MYO1D: variants seen among roughly 807,000 people sequenced by gnomAD.
The protein encoded by MYO1D is unconventional myosin-Id.
In MYO1D, 83 loss-of-function variants were observed where a neutral mutation model predicts 122.0. The ratio of observed to expected loss-of-function variants is 0.68; its 90% confidence interval spans 0.57 to 0.82. The LOEUF (loss-of-function observed/expected upper bound fraction) is 0.82, where lower values mean the gene tolerates loss of function less well. Ranked by LOEUF, MYO1D falls within the 40% of genes least tolerant of loss-of-function variation. MYO1D has a pLI of 0.00. For missense variants in MYO1D, 1,157 were observed against 1,269.5 expected (o/e 0.91, Z 1.35); for synonymous variants, 464 against 446.9 (o/e 1.04, Z -0.48).
chr17:32,862,864 T>C (rs2091089634), intron 1 of MYO1D: 2 of 152,214 alleles, frequency 1.3e-5, no homozygotes, highest in Admixed American at 6.5e-5. Flanking sequence ...AACGTTAGCC[T>C]AGGACAGTGG....
intron 1 of MYO1D, among the ~76,000 whole-genome samples, chr17:32,801,151 C>T (rs996459169): frequency 3.3e-5 from 5 of 152,098 alleles, no homozygotes; most frequent in African/African-American, 9.7e-5. Flanking sequence ...AAAAACTAAG[C>T]TTATTTATAA....
intron 19 of MYO1D, among the ~76,000 whole-genome samples, chr17:32,642,019 G>C (rs2150941800): frequency 6.6e-6 from 1 of 152,304 alleles, no homozygotes; most frequent in South Asian, 2.1e-4. Flanking sequence ...GCCTATGTCT[G>C]AATGTTATTG....
intron 21 of MYO1D, among the ~76,000 whole-genome samples, chr17:32,540,404 A>T (rs940110045): frequency 1.3e-5 from 2 of 151,796 alleles, no homozygotes; most frequent in African/African-American, 4.8e-5. Flanking sequence ...CATATATCTG[A>T]TAAGGAACTT....
chr17:32,789,429 A>G (rs2090329169), intron 1 of MYO1D, among the ~76,000 whole-genome samples: 1 of 152,204 alleles, frequency 6.6e-6, no homozygotes, highest in African/African-American at 2.4e-5. Context: ...GTATCTGATA[A>G]TGGTGACATT....
At chr17:32,568,148 G>GT in intron 21 of MYO1D, among the ~76,000 whole-genome samples, 1 of 136,098 alleles carries the variant, frequency 7.3e-6, no homozygotes, top group East Asian at 2.3e-4. Flanking sequence ...TTTCCCCCAG[G>GT]TATTTATCAG....
chr17:32,817,222 C>A (rs1389142683), intron 1 of MYO1D, among the ~76,000 whole-genome samples: 2 of 152,158 alleles, frequency 1.3e-5, no homozygotes, highest in Non-Finnish European at 2.9e-5. Context: ...AGCCACCATG[C>A]CTGGCTAACA....
At chr17:32,624,200 T>C (rs1354472307) in intron 20 of MYO1D, among the ~76,000 whole-genome samples, 2 of 151,504 alleles carry the variant, frequency 1.3e-5, no homozygotes, top group African/African-American at 4.9e-5. Flanking sequence ...GAAGCTTTAT[T>C]TTATTTTTTC....
At chr17:32,604,216 A>C (rs1251525873) in intron 21 of MYO1D, among the ~76,000 whole-genome samples, 1 of 152,108 alleles carries the variant, frequency 6.6e-6, no homozygotes, top group Non-Finnish European at 1.5e-5. Context: ...CTAATAAGGA[A>C]TACTTGATTA....
intron 11 of MYO1D, among the ~76,000 whole-genome samples, chr17:32,753,375 C>G (rs896259665): frequency 1.3e-5 from 2 of 152,036 alleles, no homozygotes; most frequent in African/African-American, 4.8e-5. Flanking sequence ...AACATGTACA[C>G]CTCCCAGATC....
intron 16 of MYO1D, among the ~76,000 whole-genome samples, chr17:32,690,640 G>A (rs2089084616): frequency 6.6e-6 from 1 of 152,188 alleles, no homozygotes; most frequent in Non-Finnish European, 1.5e-5. Context: ...TATCCTTTGT[G>A]ATGAGTGACC....
At chr17:32,538,963 G>A (rs886157160) in intron 21 of MYO1D, among the ~76,000 whole-genome samples, 13 of 152,072 alleles carry the variant, frequency 8.5e-5, no homozygotes, top group Admixed American at 6.6e-4. Flanking sequence ...GTGGGGGTTG[G>A]GGGAGAGAGA....
At position 32,494,205 on chromosome 17, in the gene MYO1D, G is replaced by C. The variant is rs1426182712; in HGVS notation, c.*554C>G. The stretch of plus-strand genomic sequence containing the variant: ...TCCTGCCACTGGCTCCTGGCTGAGG[G>C]GCTGGCCCTGTGGGTGACTCTGCTC... On this transcript the variant is annotated 3_prime_UTR_variant, in exon 22 of 22. Coordinates refer to ENST00000318217, the MANE Select transcript of MYO1D (RefSeq NM_015194.3). The C allele has an allele frequency of 6.5e-6, 1 of 154,590 alleles. No individual in the cohort carries two copies. Among genetic ancestry groups the C allele is most frequent in the African/African-American group, 2.4e-5 (1 of 41,476 alleles). The allele number at this position is 154,590 out of a possible 1,614,324, so 9.6% of individuals were successfully genotyped here.
At chr17:32,609,928 C>A (rs1280792408) in intron 20 of MYO1D, among the ~76,000 whole-genome samples, 1 of 152,028 alleles carries the variant, frequency 6.6e-6, no homozygotes, top group East Asian at 1.9e-4. Flanking sequence ...TTAAAAATAT[C>A]ATTTTCATTT....
At chr17:32,718,895 T>G (rs1306433584) in intron 15 of MYO1D, among the ~76,000 whole-genome samples, 9 of 152,174 alleles carry the variant, frequency 5.9e-5, no homozygotes, top group African/African-American at 2.2e-4. Context: ...ATGTTACCAG[T>G]GACTCCAAAA....
At chr17:32,778,703 T>G (rs2151027944) in intron 2 of MYO1D, 130 bp from the exon 3 acceptor site, 7 of 834,784 alleles carry the variant, frequency 8.4e-6, no homozygotes, top group Non-Finnish European at 3.7e-6. Context: ...CTGTTTCATT[T>G]TTTTGCTTTT....
chr17:32,849,656 A>C, intron 1 of MYO1D, among the ~76,000 whole-genome samples: 1 of 149,698 alleles, frequency 6.7e-6, no homozygotes, highest in Non-Finnish European at 1.5e-5. Context: ...CACTCTGGGG[A>C]CTGTTGTGGG....
In MYO1D at chr17:32,643,585, C is replaced by T. The variant is rs141640428; in HGVS notation, c.2596-4750G>A. Among the ~76,000 whole-genome samples, 811 of 151,974 alleles carry T rather than the reference C, an allele frequency of 5.3e-3. 9 individuals are homozygous for T. Among genetic ancestry groups the T allele is most frequent in the African/African-American group, 0.018 (749 of 41,506 alleles). ...TTTTTTGGTTGGTAAGCTATTATTG[C>T]CTCAATTTCAGATCCTGTTATTGGT... is the stretch of plus-strand genomic sequence containing the variant. On this transcript the variant is annotated intron_variant, in intron 19 of 21. Coordinates refer to ENST00000318217, the MANE Select transcript of MYO1D (RefSeq NM_015194.3).
chr17:32,856,782 C>A (rs2091030653), intron 1 of MYO1D, among the ~76,000 whole-genome samples: 1 of 152,212 alleles, frequency 6.6e-6, no homozygotes, highest in South Asian at 2.1e-4. Context: ...ATCCTTGGCC[C>A]TTTTCTCACA....
intron 17 of MYO1D, among the ~76,000 whole-genome samples, chr17:32,654,848 T>C (rs2088453391): frequency 6.6e-6 from 1 of 152,126 alleles, no homozygotes; most frequent in Non-Finnish European, 1.5e-5. Context: ...TGGTTAATTT[T>C]TGTATTTTTA....
Sources: allele counts gnomAD v4.1 joint callset (sites outside exome capture counted in the v4.1 genomes callset), GRCh38; gene constraint gnomAD v4.1.1; transcripts MANE v1.5; gene names NCBI Gene and HGNC (gene_info 2026-07-23, HGNC 2026-07-21).